Variants in PDZRN4 observed in about 807,000 individuals in gnomAD.
PDZRN4 encodes the protein PDZ domain-containing RING finger protein 4.
PDZRN4 carries 70 observed loss-of-function variants against 99.0 expected under a neutral mutation model. That is an observed-to-expected ratio of 0.71 (90% confidence interval 0.58 to 0.86). The LOEUF (loss-of-function observed/expected upper bound fraction) is 0.86, where lower values mean the gene tolerates loss of function less well. PDZRN4 is among the 40% of genes least tolerant of loss of function. PDZRN4 has a pLI of 0.00. For synonymous variants in PDZRN4, 551 were observed against 501.6 expected, an observed-to-expected ratio of 1.10 and a Z score of -1.32; for missense variants, 1,474 against 1,331.2, an observed-to-expected ratio of 1.11 and a Z score of -1.67.
chr12:41,401,937 T>C (rs1008733119), intron 3 of PDZRN4, among the ~76,000 whole-genome samples: 3 of 151,198 alleles, frequency 2.0e-5, no homozygotes, highest in Non-Finnish European at 4.4e-5. Context: ...CCTACAAGAC[T>C]CCACCCTCAT....
intron 3 of PDZRN4, among the ~76,000 whole-genome samples, chr12:41,369,267 A>G (rs370212763): frequency 6.6e-6 from 1 of 152,052 alleles, no homozygotes; most frequent in Admixed American, 6.6e-5. Flanking sequence ...TCAGTTTCTC[A>G]GAATGGTATG....
At chr12:41,469,689 T>A (rs904060337) in intron 3 of PDZRN4, among the ~76,000 whole-genome samples, 2 of 152,166 alleles carry the variant, frequency 1.3e-5, no homozygotes, top group African/African-American at 4.8e-5. Flanking sequence ...CCCAGCACTT[T>A]GGGAGGCCGA....
At chr12:41,310,856 T>C (rs1951601936) in intron 3 of PDZRN4, among the ~76,000 whole-genome samples, 1 of 152,162 alleles carries the variant, frequency 6.6e-6, no homozygotes, top group African/African-American at 2.4e-5. Flanking sequence ...CTAACATACA[T>C]AAAAGGGTTT....
intron 3 of PDZRN4, among the ~76,000 whole-genome samples, chr12:41,481,335 G>T (rs1333331555): frequency 1.3e-5 from 2 of 151,872 alleles, no homozygotes; most frequent in African/African-American, 4.8e-5. Context: ...TTCCAACCTA[G>T]CCTAAAGAAT....
At chr12:41,231,125 A>G (rs1469098714) in intron 3 of PDZRN4, among the ~76,000 whole-genome samples, 2 of 152,106 alleles carry the variant, frequency 1.3e-5, no homozygotes, top group African/African-American at 2.4e-5. Context: ...TGCCTCCTAT[A>G]GTAACATGAT....
intron 3 of PDZRN4, among the ~76,000 whole-genome samples, chr12:41,337,141 A>G (rs1951781333): frequency 1.3e-5 from 2 of 152,130 alleles, no homozygotes; most frequent in Non-Finnish European, 2.9e-5. Flanking sequence ...TCCCAAAGTT[A>G]GTTCAGCCTA....
chr12:41,312,789 G>T (rs1199124398), intron 3 of PDZRN4, among the ~76,000 whole-genome samples: 1 of 151,788 alleles, frequency 6.6e-6, no homozygotes, highest in East Asian at 1.9e-4. Context: ...ACAATTCAAG[G>T]TGAGATTTGA....
intron 3 of PDZRN4, among the ~76,000 whole-genome samples, chr12:41,388,622 G>A (rs981750535): frequency 2.0e-5 from 3 of 152,170 alleles, no homozygotes; most frequent in African/African-American, 4.8e-5. Flanking sequence ...TATTGGAGTA[G>A]TATAGGTGAG....
intron 3 of PDZRN4, among the ~76,000 whole-genome samples, chr12:41,196,106 T>C (rs1351836352): frequency 6.6e-6 from 1 of 152,136 alleles, no homozygotes; most frequent in African/African-American, 2.4e-5. Flanking sequence ...CCTACTGTTT[T>C]TTTTAAAGAG....
intron 3 of PDZRN4, among the ~76,000 whole-genome samples, chr12:41,231,318 G>T (rs1951028612): frequency 6.6e-6 from 1 of 151,996 alleles, no homozygotes; most frequent in African/African-American, 2.4e-5. Flanking sequence ...ATGCCTTTGT[G>T]CCATCAGCAT....
chr12:41,352,732 A>C (rs1486517549), intron 3 of PDZRN4, among the ~76,000 whole-genome samples: 1 of 152,096 alleles, frequency 6.6e-6, no homozygotes, highest in Non-Finnish European at 1.5e-5. Context: ...TTCCAGGCTA[A>C]ACAGGCAATC....
intron 3 of PDZRN4, among the ~76,000 whole-genome samples, chr12:41,267,796 T>C (rs1300015513): frequency 6.6e-6 from 1 of 151,908 alleles, no homozygotes; most frequent in Non-Finnish European, 1.5e-5. Context: ...AGCTGAGATC[T>C]CACCACTGCA....
chr12:41,298,122 AT>A (rs1375835916), intron 3 of PDZRN4, among the ~76,000 whole-genome samples: 1 of 152,134 alleles, frequency 6.6e-6, no homozygotes, highest in Non-Finnish European at 1.5e-5. Flanking sequence ...TTTAATGATC[AT>A]TTTTATATTA....
intron 3 of PDZRN4, among the ~76,000 whole-genome samples, chr12:41,500,727 A>G (rs1938094348): frequency 6.6e-6 from 1 of 152,098 alleles, no homozygotes; most frequent in South Asian, 2.1e-4. Flanking sequence ...AGAGTCAATC[A>G]TACCAAAGTT....
chr12:41,427,824 G>A lies in PDZRN4; in HGVS notation c.844-78632G>A, dbSNP rs372131835. Among the ~76,000 whole-genome samples the A allele has an allele frequency of 5.3e-5, 8 of 152,138 alleles. No homozygotes were observed. In the South Asian group the frequency reaches 1.2e-3, roughly 24 times the overall value. ...AAACTTCAGGTCCTGACCACCTGGC[G>A]CAGACCTGTAATCCTAGCAATTTGG... On this transcript the variant is annotated intron_variant, in intron 3 of 9. Coordinates refer to ENST00000402685, the MANE Select transcript of PDZRN4 (RefSeq NM_001164595.2).
At chr12:41,516,241 C>T (rs1167814664) in intron 5 of PDZRN4, among the ~76,000 whole-genome samples, 1 of 152,038 alleles carries the variant, frequency 6.6e-6, no homozygotes, top group East Asian at 1.9e-4. Flanking sequence ...ATGTACTTGT[C>T]TATTCTTCTA....
At chr12:41,319,698 C>T (rs1172552467) in intron 3 of PDZRN4, among the ~76,000 whole-genome samples, 2 of 152,172 alleles carry the variant, frequency 1.3e-5, no homozygotes, top group Non-Finnish European at 2.9e-5. Flanking sequence ...CCAGATAGGA[C>T]ACCTTGGTTC....
chr12:41,286,111 C>T (rs1164080606), intron 3 of PDZRN4, among the ~76,000 whole-genome samples: 2 of 151,934 alleles, frequency 1.3e-5, no homozygotes, highest in Non-Finnish European at 2.9e-5. Context: ...TAAGGCTGCC[C>T]TTCAGTATGG....
chr12:41,395,584 T>C (rs529439051), intron 3 of PDZRN4, among the ~76,000 whole-genome samples: 11 of 152,338 alleles, frequency 7.2e-5, no homozygotes, highest in African/African-American at 2.4e-4. Flanking sequence ...CTTTTTTCAG[T>C]ATAAGCTAAT....
Sources: gnomAD v4.1 joint callset for allele counts (sites outside exome capture counted in the v4.1 genomes callset) on GRCh38, gnomAD v4.1.1 for gene constraint, MANE v1.5 for transcripts, NCBI Gene and HGNC (gene_info 2026-07-23, HGNC 2026-07-21) for gene names.